SLC7A10: variants seen among roughly 807,000 people sequenced by gnomAD.
The protein encoded by SLC7A10 is solute carrier family 7 member 10.
Under a neutral mutation model 52.7 loss-of-function variants are expected in SLC7A10, and 30 were observed. That is an observed-to-expected ratio of 0.57 (90% CI 0.43 to 0.77). The LOEUF is 0.77. Ranked by LOEUF, SLC7A10 falls within the 30% of genes least tolerant of loss-of-function variation. The pLI, the probability that SLC7A10 is intolerant of heterozygous loss-of-function variation, is 0.00. For synonymous variants in SLC7A10, 318 were observed against 314.9 expected (o/e 1.01, Z -0.10); for missense variants, 581 against 698.5 (o/e 0.83, Z 1.90).
Position 33,212,654 on chromosome 19 carries a change from C to G in SLC7A10, c.509-15G>C, listed in dbSNP as rs369898391. On this transcript the variant is annotated splice_polypyrimidine_tract_variant and intron_variant, in intron 3 of 10. Transcript: ENST00000253188. ...TGTCAGGAGCACTGCGGAGGGAAGG[C>G]GGGGGTGGGCGCCGAGGCCGGGACC... 2 of 1,613,440 alleles carry G rather than the reference C, an allele frequency of 1.2e-6. No homozygotes were observed. Among genetic ancestry groups the G allele is most frequent in the Non-Finnish European group, 1.7e-6 (2 of 1,180,030 alleles).
In SLC7A10 at chr19:33,214,010, T is replaced by C. The variant is rs563441216; in HGVS notation, c.357-1008A>G. Among the ~76,000 whole-genome samples the C allele has an allele frequency of 2.0e-5, 3 of 152,260 alleles. No individual in the cohort carries two copies. The South Asian group carries it at 6.2e-4, about 32-fold the overall frequency. ...GCCCCTTGCTCTGCACAACCATCCC[T>C]GCTGGGCTTCTGGGACATCCTAGCT... On this transcript the variant is annotated intron_variant, in intron 2 of 10. Coordinates refer to ENST00000253188, the MANE Select transcript of SLC7A10 (RefSeq NM_019849.3).
Position 33,209,450 on chromosome 19 carries a change from G to A in SLC7A10, c.1299C>T (p.Phe433=). The A allele has an allele frequency of 6.2e-7, 1 of 1,614,010 alleles. No individual in the cohort carries two copies. Among genetic ancestry groups the A allele is most frequent in the Non-Finnish European group, 8.5e-7 (1 of 1,180,014 alleles). ...AGCTGAAGACCAGCAGGAAGGCCCA[G>A]AAGACCAAGTACGCCACGGGGATGA... is the stretch of plus-strand genomic sequence containing the variant. ...NLLIPVAYLV[F]WAFLLVFSFI... The change falls in exon 10 of 11, where the codon TTC becomes TTT. Residue 433 remains phenylalanine, a synonymous_variant. Transcript: ENST00000253188.
Position 33,212,888 on chromosome 19 carries a change from G to C in SLC7A10, c.471C>G (p.Pro157=), listed in dbSNP as rs143654746. 82 of 1,613,878 alleles carry C rather than the reference G, an allele frequency of 5.1e-5. No individual in the cohort carries two copies. Among genetic ancestry groups the C allele is most frequent in the Non-Finnish European group, 6.6e-5 (78 of 1,179,906 alleles). The change falls in exon 3 of 11, where the codon CCC becomes CCG. Residue 157 remains proline, a synonymous_variant. Transcript: ENST00000253188. ...LQPVFPNCIP[P]TTASRVLSMA... ...TGGACAGCACCCGGGAGGCTGTGGT[G>C]GGGGGGATGCAGTTGGGGAACACGG...
chr19:33,211,410 T>C lies in SLC7A10; in HGVS notation c.912+4A>G, dbSNP rs976382155. ...AGCCAGGGACCGAGCAGGGGCCCAC[T>C]CACCACAGCCACCGCATTGGAGGAG... On this transcript the variant is annotated splice_donor_region_variant and intron_variant, in intron 6 of 10. Transcript: ENST00000253188. 1 of 1,613,620 alleles carries C rather than the reference T, an allele frequency of 6.2e-7. No homozygotes were observed. The highest frequency in any genetic ancestry group is 8.5e-7 in the Non-Finnish European group (1 of 1,179,898).
intron 1 of SLC7A10, among the ~76,000 whole-genome samples, chr19:33,223,082 C>T (rs1262639950): frequency 1.3e-5 from 2 of 152,114 alleles, no homozygotes; most frequent in East Asian, 3.9e-4. Flanking sequence ...CCAAGGCAGG[C>T]AGATCACTTG....
chr19:33,224,275 C>T (rs549854180), intron 1 of SLC7A10, among the ~76,000 whole-genome samples: 22 of 152,242 alleles, frequency 1.4e-4, no homozygotes, highest in Middle Eastern at 3.4e-3. Context: ...TGGCCAAATC[C>T]CTGGAACCAG....
chr19:33,209,250 G>C, intron 10 of SLC7A10, 58 bp downstream of exon 10: 1 of 1,606,922 alleles, frequency 6.2e-7, no homozygotes, highest in East Asian at 2.2e-5. Context: ...CTAAGAGGGA[G>C]GTCTGGTCTC....
At chr19:33,209,266 C>T in intron 10 of SLC7A10, 42 bp downstream of exon 10, 1 of 1,612,328 alleles carries the variant, frequency 6.2e-7, no homozygotes, top group Non-Finnish European at 8.5e-7. Context: ...GTCTCCAGGC[C>T]CCGGCCCCCT....
intron 9 of SLC7A10, 64 bp from the exon 10 acceptor site, chr19:33,209,549 C>A: frequency 6.5e-7 from 1 of 1,533,922 alleles, no homozygotes. Flanking sequence ...CCCCCGACCC[C>A]TGGGGGTCTG....
At chr19:33,211,616 CATA>C in intron 5 of SLC7A10, 79 bp from the exon 6 acceptor site, 2 of 1,608,864 alleles carry the variant, frequency 1.2e-6, no homozygotes, top group Non-Finnish European at 1.7e-6. Flanking sequence ...GAGAGCAGCT[CATA>C]GTCTCCATCT....
chr19:33,216,224 C>A (rs1042856914), intron 1 of SLC7A10, among the ~76,000 whole-genome samples: 1 of 152,214 alleles, frequency 6.6e-6, no homozygotes, highest in Non-Finnish European at 1.5e-5. Context: ...GCTGGCCAGG[C>A]CCCTCTGCCA....
chr19:33,212,047 T>C (rs1974565559), intron 5 of SLC7A10: 1 of 599,478 alleles, frequency 1.7e-6, no homozygotes, highest in Non-Finnish European at 3.0e-6. Flanking sequence ...TACAGCAGGA[T>C]GATGATATTC....
chr19:33,219,518 C>G (rs1435679844), intron 1 of SLC7A10, among the ~76,000 whole-genome samples: 2 of 152,208 alleles, frequency 1.3e-5, no homozygotes, highest in Non-Finnish European at 2.9e-5. Context: ...TGGCACCAGT[C>G]CTCATGCCTT....
Position 33,209,331 on chromosome 19 carries a change from G to C in SLC7A10, c.1418C>G (p.Pro473Arg). Residue 473 changes from proline (P) to arginine (R), a missense_variant, in exon 10 of 11, where the codon CCA (proline) becomes CGA (arginine). Physicochemically the swap from Pro to Arg is moderately radical, Grantham distance 103. Transcript: ENST00000253188. ...ACCTGTGAGTCTGTGCACACACTTT[G>C]GTTTGCTTCTCCAGAACACTCCCAG... Reference protein sequence around the residue: ...FFLGVFWRSKPKCVHRLTESM... With the variant: ...FFLGVFWRSKRKCVHRLTESM... 1 of 1,613,974 alleles carries C rather than the reference G, an allele frequency of 6.2e-7. No homozygotes were observed. Among genetic ancestry groups the C allele is most frequent in the African/African-American group, 1.3e-5 (1 of 75,024 alleles).
Position 33,225,766 on chromosome 19 carries a change from G to T in SLC7A10, c.-63C>A. On this transcript the variant is annotated 5_prime_UTR_variant, in exon 1 of 11. Coordinates refer to ENST00000253188, the MANE Select transcript of SLC7A10 (RefSeq NM_019849.3). ...CCGTCTGTCCGGCCGGCCGCCCGTC[G>T]GTCCGTCGGTCCGTGAGCTCACGGC... 2.1e-6 allele frequency: 3 copies of T among 1,437,040 alleles called. No homozygotes were observed. Among genetic ancestry groups the T allele is most frequent in the South Asian group, 1.4e-5 (1 of 73,590 alleles). The allele number at this position is 1,437,040 out of a possible 1,614,324, so 89.0% of individuals were successfully genotyped here.
intron 1 of SLC7A10, among the ~76,000 whole-genome samples, chr19:33,221,650 C>T (rs1974813945): frequency 6.6e-6 from 1 of 152,196 alleles, no homozygotes; most frequent in Non-Finnish European, 1.5e-5. Context: ...CAGCCACCTG[C>T]AGCCCTGGAG....
At chr19:33,220,510 A>G (rs1974791123) in intron 1 of SLC7A10, 1 of 151,966 alleles carries the variant, frequency 6.6e-6, no homozygotes, top group Non-Finnish European at 1.5e-5. Context: ...AGAATCCCTT[A>G]TCTTGCTTGA....
rs377457235 is a variant in SLC7A10 at position 33,208,951 on chromosome 19, C to T, written c.1512G>A (p.Glu504=). The change falls in exon 11 of 11, where the codon GAG becomes GAA. Residue 504 remains glutamate, a synonymous_variant. Transcript: ENST00000253188. The surrounding 1 kb of genome is among the most constrained non-coding windows in gnomAD (Gnocchi z 4.7). The part of the protein sequence containing the change: ...VYPQDAPEEE[E]NGPCPPSLLP... ...GCAGGGAGGGTGGGCAGGGGCCATTCTCCTCCTCTTCGGGGGCGTCCTGGG... is the reference window on the plus strand; with the variant it reads ...GCAGGGAGGGTGGGCAGGGGCCATTTTCCTCCTCTTCGGGGGCGTCCTGGG... 4.3e-6 allele frequency: 7 copies of T among 1,613,620 alleles called. No individual in the cohort carries two copies. The highest frequency in any genetic ancestry group is 5.1e-6 in the Non-Finnish European group (6 of 1,179,960).
At chr19:33,216,226 C>T (rs1273857765) in intron 1 of SLC7A10, among the ~76,000 whole-genome samples, 3 of 152,222 alleles carry the variant, frequency 2.0e-5, no homozygotes, top group African/African-American at 7.2e-5. Flanking sequence ...TGGCCAGGCC[C>T]CTCTGCCAGA....
Sources: allele counts gnomAD v4.1 joint callset (sites outside exome capture counted in the v4.1 genomes callset), GRCh38; gene constraint gnomAD v4.1.1; non-coding constraint Gnocchi (gnomAD v3.1); transcripts MANE v1.5; gene names NCBI Gene and HGNC (gene_info 2026-07-23, HGNC 2026-07-21).